PRR5: variants seen among roughly 807,000 people sequenced by gnomAD.
The protein encoded by PRR5 is proline-rich protein 5.
PRR5 carries 25 observed loss-of-function variants against 30.6 expected under a neutral mutation model. The ratio of observed to expected loss-of-function variants is 0.82; its 90% CI spans 0.60 to 1.14. The LOEUF is 1.14. PRR5 is among the 50% of genes most tolerant of loss of function. The probability of loss-of-function intolerance (pLI) is 0.00; values close to 1 mark genes in which losing one functional copy is unlikely to be tolerated. For synonymous variants in PRR5, 286 were observed against 247.1 expected, an observed-to-expected ratio of 1.16 and a Z score of -1.48; for missense variants, 600 against 547.1, an observed-to-expected ratio of 1.10 and a Z score of -0.96.
At position 44,691,539 on chromosome 22, in the gene PRR5, C is replaced by T. The variant is rs982391392; in HGVS notation, c.-10-10953C>T. The stretch of plus-strand genomic sequence containing the variant: ...TGGGAGGCCGAGCAGTTTGGGAGGC[C>T]GAGGCGGGTAGATCACCTGAGGTCA... On this transcript the variant is annotated intron_variant, in intron 1 of 8. Coordinates refer to the PRR5 transcript ENST00000006251. This position sits in a 1 kb window ranked among gnomAD's most constrained non-coding sequence, Gnocchi z 4.4. 6.6e-5 allele frequency among the ~76,000 whole-genome samples: 10 copies of T among 152,068 alleles called. No homozygotes were observed. The highest frequency in any genetic ancestry group is 2.2e-4 in the African/African-American group (9 of 41,396).
chr22:44,732,247 A>G lies in PRR5; in HGVS notation c.415-4A>G, dbSNP rs1253048896. Reference sequence around the variant, plus strand: ...CGGTGGGGTGGGGTGCCTTCCGTCCACAGGGCAAGGAGCCATCGGTGCGCC... The same window carrying G: ...CGGTGGGGTGGGGTGCCTTCCGTCCGCAGGGCAAGGAGCCATCGGTGCGCC... On this transcript the variant is annotated splice_polypyrimidine_tract_variant and splice_region_variant and intron_variant, in intron 5 of 7. Transcript: ENST00000336985. 6.2e-7 allele frequency: 1 copy of G among 1,610,904 alleles called. No homozygotes were observed. Among genetic ancestry groups the G allele is most frequent in the Admixed American group, 1.7e-5 (1 of 60,004 alleles).
intron 4 of PRR5, chr22:44,730,247 C>T: frequency 2.0e-6 from 2 of 985,156 alleles, no homozygotes; most frequent in Non-Finnish European, 1.2e-6. Context: ...CAAAGCAGTT[C>T]TGGCCGGGGG....
At position 44,726,568 on chromosome 22, in the gene PRR5, T is replaced by A. The variant is rs202230088; in HGVS notation, c.265-9T>A. The A allele has an allele frequency of 1.7e-4, 275 of 1,614,054 alleles. No individual in the cohort carries two copies. The African/African-American group carries it at 3.5e-3, about 20-fold the overall frequency. On this transcript the variant is annotated splice_polypyrimidine_tract_variant and intron_variant, in intron 3 of 7. Coordinates refer to ENST00000336985, the MANE Select transcript of PRR5 (RefSeq NM_181333.4). ...AGGGCGGTGACAGCCCCTCTGTGTT[T>A]ACCTTCAGAACCAGCTGCTGACAAA... is the stretch of plus-strand genomic sequence containing the variant.
intron 1 of PRR5, among the ~76,000 whole-genome samples, chr22:44,686,490 C>G (rs1381100172): frequency 6.6e-6 from 1 of 151,142 alleles, no homozygotes; most frequent in Non-Finnish European, 1.5e-5. Flanking sequence ...GTATGTGCCA[C>G]CACGCCTGGC....
At chr22:44,734,270 C>CAAAA (rs546033220) in intron 6 of PRR5, 1 of 147,566 alleles carries the variant, frequency 6.8e-6, no homozygotes. Flanking sequence ...AACTCTGTCT[C>CAAAA]AAAAAAAAAA....
intron 4 of PRR5, among the ~76,000 whole-genome samples, 179 bp downstream of exon 4, chr22:44,726,813 C>T (rs1920965998): frequency 6.6e-6 from 1 of 152,152 alleles, no homozygotes; most frequent in East Asian, 1.9e-4. Flanking sequence ...CCAGAGGGAA[C>T]CCTGGGAGAG....
chr22:44,731,812 C>G lies in PRR5; in HGVS notation c.405C>G (p.Tyr135Ter). Reference protein sequence around the residue: ...DVLPMLQAIFYPVQGKEPSVR... With the variant: ...DVLPMLQAIF The stretch of plus-strand genomic sequence containing the variant: ...TGCCCATGCTGCAGGCCATCTTCTA[C>G]CCGGTGCAGGTGGGCAGCCCAGCCC... Residue 135 changes from tyrosine (Y) to a stop codon, truncating the protein, a stop_gained, in exon 5 of 8, where the codon TAC becomes TAG. Transcript: ENST00000336985. LOFTEE classifies it high-confidence loss of function. The G allele has an allele frequency of 1.2e-6, 2 of 1,613,188 alleles. No individual in the cohort carries two copies. The highest frequency in any genetic ancestry group is 1.7e-6 in the Non-Finnish European group (2 of 1,179,950).
At chr22:44,726,183 C>T (rs1465362720) in intron 3 of PRR5, among the ~76,000 whole-genome samples, 1 of 152,212 alleles carries the variant, frequency 6.6e-6, no homozygotes, top group East Asian at 1.9e-4. Context: ...CCAGGCAGTG[C>T]GTCCAGGGTC....
At chr22:44,710,030 C>T (rs1927918718) in intron 1 of PRR5, among the ~76,000 whole-genome samples, 1 of 152,204 alleles carries the variant, frequency 6.6e-6, no homozygotes, top group African/African-American at 2.4e-5. Flanking sequence ...ACCCGCCGCC[C>T]CTCCCAACCC....
rs1371771474 is a variant in PRR5, at chr22:44,735,127, C to G, written c.656C>G (p.Ser219Cys). Residue 219 changes from serine (S) to cysteine (C), a missense_variant, in exon 7 of 8, where the codon TCC becomes TGC. By Grantham distance (112) the Ser-to-Cys change is moderately radical (BLOSUM62 -1). Transcript: ENST00000336985. ...SPYLGTYGLH[S>C]SEGPFTHSCI... ...TACCTGGGCACCTACGGCCTCCACT[C>G]CAGCGAGGGGCCCTTCACCCATTCC... The G allele has an allele frequency of 6.2e-7, 1 of 1,613,136 alleles. No individual in the cohort carries two copies. Among genetic ancestry groups the G allele is most frequent in the East Asian group, 2.2e-5 (1 of 44,878 alleles).
chr22:44,703,413 G>A (rs1453502476), intron 1 of PRR5, among the ~76,000 whole-genome samples: 1 of 151,818 alleles, frequency 6.6e-6, no homozygotes, highest in Admixed American at 6.6e-5. Flanking sequence ...AATCTTGCCA[G>A]ATGCTCCACC....
intron 5 of PRR5, 101 bp from the exon 6 acceptor site, chr22:44,732,150 G>C: frequency 6.5e-7 from 1 of 1,544,136 alleles, no homozygotes; most frequent in Non-Finnish European, 8.8e-7. Flanking sequence ...GGGCCTGAGG[G>C]TCGGCAGGTC....
chr22:44,674,171 T>C (rs1923580304), upstream of PRR5, among the ~76,000 whole-genome samples: 1 of 152,060 alleles, frequency 6.6e-6, no homozygotes, highest in Admixed American at 6.6e-5. Context: ...TTTTTTTTTT[T>C]TTAGACAGTG....
chr22:44,685,438 C>T (rs1924657062), intron 1 of PRR5, among the ~76,000 whole-genome samples: 1 of 152,224 alleles, frequency 6.6e-6, no homozygotes. Context: ...TGTTTTCCCT[C>T]CTCCACCCCA....
At chr22:44,732,067 C>G (rs1294362679) in intron 5 of PRR5, among the ~76,000 whole-genome samples, 184 bp from the exon 6 acceptor site, 3 of 152,234 alleles carry the variant, frequency 2.0e-5, no homozygotes, top group Non-Finnish European at 4.4e-5. Flanking sequence ...GACAGTAACC[C>G]TTTCACTGCC....
At position 44,717,717 on chromosome 22, in the gene PRR5, C is replaced by CT. The variant is rs775675392; in HGVS notation, c.215+3062dup. On this transcript the variant is annotated intron_variant, in intron 2 of 7. Transcript: ENST00000336985. ...GGGAGGAGTACTTACCCCTGCTTTG[C>CT]TTTTTTTTTTTTTTTTGAGACGGAG... is the stretch of plus-strand genomic sequence containing the variant. 9.9e-3 allele frequency among the ~76,000 whole-genome samples: 1,325 copies of CT among 133,574 alleles called. 9 individuals are homozygous for CT. The highest frequency in any genetic ancestry group is 0.019 in the African/African-American group (693 of 36,512). The allele number at this position is 133,574 out of a possible 152,430, so 87.6% of individuals were successfully genotyped here.
At chr22:44,732,826 C>T (rs571481024) in intron 6 of PRR5, among the ~76,000 whole-genome samples, 726 of 68,024 alleles carry the variant, frequency 0.011, 4 homozygotes, top group African/African-American at 0.025. Flanking sequence ...CACGTGTGCA[C>T]GCACATACTA....
In PRR5 at chr22:44,737,082, TC is replaced by T; in HGVS notation, c.1005del (p.Thr336ProfsTer64). 1.2e-6 allele frequency: 2 copies of T among 1,611,288 alleles called. No homozygotes were observed. The highest frequency in any genetic ancestry group is 1.7e-6 in the Non-Finnish European group (2 of 1,179,784). ...CCCAGCCCCCTGAGCAGGGCTTGGA[TC>T]CCACCCGCAGCTCCCTGCCCCGCTC... ...TTQPPEQGLD[P>X]TRSSLPRSSP... On this transcript the variant is annotated frameshift_variant, in exon 8 of 8. Transcript: ENST00000336985. LOFTEE classifies it low-confidence loss of function (END_TRUNC).
intron 6 of PRR5, among the ~76,000 whole-genome samples, chr22:44,732,726 C>G (rs1217746443): frequency 6.6e-6 from 1 of 151,150 alleles, no homozygotes; most frequent in Non-Finnish European, 1.5e-5. Context: ...TGCACGTGCA[C>G]ATGCATACAC....
Sources: gnomAD v4.1 joint callset for allele counts (sites outside exome capture counted in the v4.1 genomes callset) on GRCh38, gnomAD v4.1.1 for gene constraint, Gnocchi (gnomAD v3.1) non-coding constraint, MANE v1.5 for transcripts, NCBI Gene and HGNC (gene_info 2026-07-23, HGNC 2026-07-21) for gene names.